The following BCAS4 variants were observed in gnomAD, a reference collection of about 807,000 sequenced individuals.
The protein encoded by BCAS4 is breast carcinoma-amplified sequence 4.
Under a neutral mutation model 15.7 loss-of-function variants are expected in BCAS4, and 9 were observed. That is an observed-to-expected ratio of 0.57 (90% CI 0.34 to 1.00). The LOEUF is 1.00. Among genes scored for constraint, BCAS4 ranks in the 50% least tolerant of loss-of-function variants. The pLI is 0.02. For synonymous variants in BCAS4, 101 were observed against 99.5 expected (o/e 1.02, Z -0.09); for missense variants, 225 against 239.1 (o/e 0.94, Z 0.39).
chr20:50,826,454 T>C (rs1408729635), intron 2 of BCAS4, among the ~76,000 whole-genome samples: 1 of 152,206 alleles, frequency 6.6e-6, no homozygotes, highest in Non-Finnish European at 1.5e-5. Context: ...CCAGACCTAA[T>C]TACTTGAATT....
chr20:50,881,806 G>A (rs2122708084), downstream of BCAS4: 1 of 152,176 alleles, frequency 6.6e-6, no homozygotes, highest in African/African-American at 2.4e-5. Flanking sequence ...GATTACAGGT[G>A]CGCACCACCA....
chr20:50,855,844 T>TCC (rs984105662), intron 4 of BCAS4, among the ~76,000 whole-genome samples: 5 of 152,200 alleles, frequency 3.3e-5, no homozygotes, highest in African/African-American at 1.2e-4. Context: ...AGGACCTGGG[T>TCC]CCCCGCCTGG....
downstream of BCAS4, chr20:50,881,247 G>A (rs997814000): frequency 1.1e-4 from 17 of 152,058 alleles, no homozygotes; most frequent in African/African-American, 3.4e-4. Flanking sequence ...AAAATAAAAC[G>A]AATCTATTGA....
intron 2 of BCAS4, among the ~76,000 whole-genome samples, chr20:50,823,647 C>A (rs2088243754): frequency 6.6e-6 from 1 of 152,096 alleles, no homozygotes; most frequent in Non-Finnish European, 1.5e-5. Context: ...CATAGGGAGA[C>A]CCCATCTTTA....
At chr20:50,852,437 G>A (rs906456444) in intron 4 of BCAS4, among the ~76,000 whole-genome samples, 6 of 151,920 alleles carry the variant, frequency 3.9e-5, no homozygotes, top group Non-Finnish European at 8.8e-5. Flanking sequence ...GCTGGAGTGC[G>A]GTGGCCTGAT....
intron 2 of BCAS4, among the ~76,000 whole-genome samples, chr20:50,820,544 C>T (rs535294181): frequency 2.8e-4 from 43 of 152,170 alleles, no homozygotes; most frequent in African/African-American, 9.6e-4. Context: ...GAAGGCAGGT[C>T]GGGAGGATGG....
chr20:50,842,754 C>G (rs1006847467), intron 4 of BCAS4, among the ~76,000 whole-genome samples: 1 of 152,050 alleles, frequency 6.6e-6, no homozygotes, highest in South Asian at 2.1e-4. Flanking sequence ...GACGGAGGCT[C>G]GGGGAAGGAG....
chr20:50,816,049 C>T (rs2088132687), intron 1 of BCAS4, among the ~76,000 whole-genome samples: 1 of 152,156 alleles, frequency 6.6e-6, no homozygotes, highest in African/African-American at 2.4e-5. Context: ...TTTTTGAAGA[C>T]AGATCTTGCT....
At chr20:50,861,846 CTTT>C (rs773052138) in intron 4 of BCAS4, among the ~76,000 whole-genome samples, 38 of 109,256 alleles carry the variant, frequency 3.5e-4, no homozygotes, top group African/African-American at 1.5e-3. Flanking sequence ...TCTTCTTCTC[CTTT>C]TTTTTTTTTT....
chr20:50,798,689 G>C (rs2123741817), intron 1 of BCAS4, among the ~76,000 whole-genome samples: 1 of 152,280 alleles, frequency 6.6e-6, no homozygotes, highest in African/African-American at 2.4e-5. Flanking sequence ...GTGTTCAGTA[G>C]TCCCATGAGA....
At chr20:50,866,261 G>GTA (rs1979352960) in intron 4 of BCAS4, among the ~76,000 whole-genome samples, 1 of 152,214 alleles carries the variant, frequency 6.6e-6, no homozygotes, top group Admixed American at 6.5e-5. Context: ...TCCCTTACTT[G>GTA]TAGGGCTCAG....
At chr20:50,810,219 C>T (rs749124056) in intron 1 of BCAS4, among the ~76,000 whole-genome samples, 2 of 151,538 alleles carry the variant, frequency 1.3e-5, no homozygotes, top group South Asian at 2.1e-4. Context: ...TCTGGCTTCC[C>T]GGAGGGTGAA....
chr20:50,853,321 T>C lies in BCAS4; in HGVS notation c.399+11421T>C, dbSNP rs934358168. Among the ~76,000 whole-genome samples the C allele has an allele frequency of 4.6e-5, 7 of 151,774 alleles. No individual in the cohort carries two copies. In the East Asian group the frequency reaches 5.8e-4, roughly 13 times the overall value. On this transcript the variant is annotated intron_variant, in intron 4 of 4. Coordinates refer to ENST00000371608, the MANE Select transcript of BCAS4 (RefSeq NM_198799.4). Reference sequence around the variant, plus strand: ...CACCATGCCCAGCTAATTTTTGTATTTTTAGTAGAGACAGGGTTTCGCCAT... The same window carrying C: ...CACCATGCCCAGCTAATTTTTGTATCTTTAGTAGAGACAGGGTTTCGCCAT...
chr20:50,864,819 C>T (rs1327207465), intron 4 of BCAS4, among the ~76,000 whole-genome samples: 3 of 151,930 alleles, frequency 2.0e-5, no homozygotes, highest in African/African-American at 7.3e-5. Context: ...TTTGGCTGGG[C>T]GCAGTGGCTC....
At position 50,841,039 on chromosome 20, in the gene BCAS4, A is replaced by G. The variant is rs549376148; in HGVS notation, c.265-727A>G. 22 of 363,162 alleles carry G rather than the reference A, an allele frequency of 6.1e-5. 1 individual carries two copies. The highest frequency in any genetic ancestry group is 2.1e-5 in the Non-Finnish European group (4 of 188,402). 22.5% of individuals were successfully genotyped at this position (363,162 alleles called of 1,614,324 possible). On this transcript the variant is annotated intron_variant, in intron 3 of 4. Coordinates refer to ENST00000371608, the MANE Select transcript of BCAS4 (RefSeq NM_198799.4). ...GAGACGCAGTTTCACCATGTTGGCC[A>G]GGCTGGTCTTGAACTCCTGACCTCA...
At position 50,812,719 on chromosome 20, in the gene BCAS4, C is replaced by T. The variant is rs538469214; in HGVS notation, c.91-5492C>T. Among the ~76,000 whole-genome samples, 90 of 151,904 alleles carry T rather than the reference C, an allele frequency of 5.9e-4. 2 individuals are homozygous for T. The South Asian group carries it at 0.017, about 28-fold the overall frequency. ...CCTCCCAAAGTGTTGGGATTACAGG[C>T]GTGAGCCACCACACCCAGGCTTTTC... On this transcript the variant is annotated intron_variant, in intron 1 of 4. Coordinates refer to ENST00000371608, the MANE Select transcript of BCAS4 (RefSeq NM_198799.4).
At chr20:50,846,970 T>A (rs1198372682) in intron 4 of BCAS4, among the ~76,000 whole-genome samples, 2 of 151,846 alleles carry the variant, frequency 1.3e-5, no homozygotes, top group Non-Finnish European at 2.9e-5. Flanking sequence ...TCTGACTGAG[T>A]CAGTGAGCCG....
At chr20:50,821,359 G>T (rs1251839264) in intron 2 of BCAS4, among the ~76,000 whole-genome samples, 2 of 152,352 alleles carry the variant, frequency 1.3e-5, no homozygotes, top group South Asian at 4.1e-4. Context: ...CCCTGGGGGT[G>T]TTTGAGCTTA....
intron 4 of BCAS4, among the ~76,000 whole-genome samples, chr20:50,868,030 G>A (rs1220524944): frequency 6.6e-6 from 1 of 152,190 alleles, no homozygotes; most frequent in Non-Finnish European, 1.5e-5. Flanking sequence ...AGAATATCGG[G>A]TAGGTATTTT....
Sources: allele counts gnomAD v4.1 joint callset (sites outside exome capture counted in the v4.1 genomes callset), GRCh38; gene constraint gnomAD v4.1.1; transcripts MANE v1.5; gene names NCBI Gene and HGNC (gene_info 2026-07-23, HGNC 2026-07-21).